Variants in PDE3A observed in about 807,000 individuals in gnomAD.
The protein encoded by PDE3A is phosphodiesterase 3A.
Under a neutral mutation model 98.3 loss-of-function variants are expected in PDE3A, and 43 were observed. That is an observed-to-expected ratio of 0.44 (90% confidence interval 0.34 to 0.56). The LOEUF is 0.56. Among genes scored for constraint, PDE3A ranks in the 20% least tolerant of loss-of-function variants. The pLI, the probability that PDE3A is intolerant of heterozygous loss-of-function variation, is 0.01. For synonymous variants in PDE3A, 663 were observed against 567.9 expected, an observed-to-expected ratio of 1.17 and a Z score of -2.38; for missense variants, 1,427 against 1,440.7, an observed-to-expected ratio of 0.99 and a Z score of 0.15.
intron 1 of PDE3A, among the ~76,000 whole-genome samples, chr12:20,402,426 GT>G (rs969242547): frequency 2.6e-5 from 4 of 152,188 alleles, no homozygotes; most frequent in Non-Finnish European, 1.5e-5. Context: ...TGAGATTATA[GT>G]TGTGAGCCAC....
At chr12:20,529,112 C>T (rs1946577761) in intron 1 of PDE3A, among the ~76,000 whole-genome samples, 1 of 151,954 alleles carries the variant, frequency 6.6e-6, no homozygotes, top group Non-Finnish European at 1.5e-5. Flanking sequence ...ATTGAGGAGT[C>T]CCAAATCTCT....
intron 1 of PDE3A, among the ~76,000 whole-genome samples, chr12:20,472,494 A>C (rs1306048049): frequency 6.6e-6 from 1 of 152,144 alleles, no homozygotes; most frequent in Admixed American, 6.6e-5. Flanking sequence ...TAAAGGTGCA[A>C]CTATTTAGTT....
chr12:20,464,328 G>A (rs1319130001), intron 1 of PDE3A, among the ~76,000 whole-genome samples: 1 of 152,050 alleles, frequency 6.6e-6, no homozygotes, highest in Non-Finnish European at 1.5e-5. Context: ...TTCAAAATGA[G>A]GGTTATATTT....
At chr12:20,645,078 G>C (rs1184856639) in intron 10 of PDE3A, among the ~76,000 whole-genome samples, 1 of 151,726 alleles carries the variant, frequency 6.6e-6, no homozygotes, top group Non-Finnish European at 1.5e-5. Flanking sequence ...TGGTATAGAC[G>C]GGATTTTACC....
At chr12:20,592,221 A>G (rs1943355267) in intron 2 of PDE3A, among the ~76,000 whole-genome samples, 1 of 152,122 alleles carries the variant, frequency 6.6e-6, no homozygotes. Flanking sequence ...TAAGGAAGAA[A>G]GAATATTGTG....
chr12:20,438,659 CACA>C (rs1159547158), intron 1 of PDE3A, among the ~76,000 whole-genome samples: 5 of 152,110 alleles, frequency 3.3e-5, no homozygotes, highest in Non-Finnish European at 5.9e-5. Context: ...TTTCCTCTGA[CACA>C]ACTAGAGTCC....
At chr12:20,577,929 G>A (rs1942972972) in intron 2 of PDE3A, among the ~76,000 whole-genome samples, 1 of 152,164 alleles carries the variant, frequency 6.6e-6, no homozygotes, top group Admixed American at 6.5e-5. Context: ...AAGTAGAGGT[G>A]TGAATTCGGA....
At chr12:20,587,706 G>A (rs1265606029) in intron 2 of PDE3A, among the ~76,000 whole-genome samples, 1 of 152,194 alleles carries the variant, frequency 6.6e-6, no homozygotes, top group Admixed American at 6.5e-5. Context: ...TGGTGTGTAA[G>A]TTCTTAAGCC....
In PDE3A at chr12:20,509,885, T is replaced by C. The variant is rs530703422; in HGVS notation, c.961-46775T>C. ...GTATTTGACTTACTCATAAATTTGA[T>C]AGGTGGAAAAAGTAGCTTATTTATT... On this transcript the variant is annotated intron_variant, in intron 1 of 15. Transcript: ENST00000359062. Among the ~76,000 whole-genome samples, 9 of 152,038 alleles carry C rather than the reference T, an allele frequency of 5.9e-5. No individual in the cohort carries two copies. The South Asian group carries it at 1.9e-3, about 31-fold the overall frequency.
chr12:20,636,967 G>T, intron 8 of PDE3A, 133 bp from the exon 9 acceptor site: 1 of 552,974 alleles, frequency 1.8e-6, no homozygotes, highest in South Asian at 3.3e-5. Flanking sequence ...TTTAAGCAAA[G>T]ATCACTTATT....
intron 10 of PDE3A, among the ~76,000 whole-genome samples, chr12:20,644,791 C>G (rs1157303373): frequency 6.6e-6 from 1 of 151,638 alleles, no homozygotes; most frequent in African/African-American, 2.4e-5. Flanking sequence ...CTATTTTCTC[C>G]TCAGGAGGCT....
chr12:20,470,974 GTGTC>G (rs1945428971), intron 1 of PDE3A, among the ~76,000 whole-genome samples: 1 of 151,982 alleles, frequency 6.6e-6, no homozygotes, highest in South Asian at 2.1e-4. Flanking sequence ...CAGTAAGAAG[GTGTC>G]TGTCTGTAAT....
At chr12:20,438,657 G>A (rs957657155) in intron 1 of PDE3A, among the ~76,000 whole-genome samples, 2 of 152,104 alleles carry the variant, frequency 1.3e-5, no homozygotes, top group African/African-American at 4.8e-5. Context: ...TGTTTCCTCT[G>A]ACACAACTAG....
At chr12:20,449,606 T>C in intron 1 of PDE3A, 2 of 372,030 alleles carry the variant, frequency 5.4e-6, no homozygotes, top group South Asian at 1.7e-4. Context: ...GGGTCTCTGC[T>C]CACACTTACT....
chr12:20,451,921 G>A (rs140757090), intron 1 of PDE3A, among the ~76,000 whole-genome samples: 6 of 152,166 alleles, frequency 3.9e-5, no homozygotes, highest in African/African-American at 1.2e-4. Flanking sequence ...ACACTTAACC[G>A]CATTTCTCTT....
At chr12:20,563,722 C>T (rs1156782906) in intron 2 of PDE3A, among the ~76,000 whole-genome samples, 1 of 152,046 alleles carries the variant, frequency 6.6e-6, no homozygotes, top group African/African-American at 2.4e-5. Context: ...CTAACGGGGA[C>T]CACACAAAAT....
At chr12:20,544,650 G>A (rs756070792) in intron 1 of PDE3A, among the ~76,000 whole-genome samples, 2 of 151,776 alleles carry the variant, frequency 1.3e-5, no homozygotes, top group Non-Finnish European at 2.9e-5. Flanking sequence ...GAATAAAAAC[G>A]TTTATGATTT....
chr12:20,420,634 AT>A (rs146462709), intron 1 of PDE3A, among the ~76,000 whole-genome samples: 2 of 151,784 alleles, frequency 1.3e-5, no homozygotes, highest in South Asian at 2.1e-4. Flanking sequence ...TGGTTACATG[AT>A]TTTTTTTCAA....
At chr12:20,599,153 C>A (rs1943531840) in intron 2 of PDE3A, among the ~76,000 whole-genome samples, 1 of 152,022 alleles carries the variant, frequency 6.6e-6, no homozygotes, top group Non-Finnish European at 1.5e-5. Context: ...ACTTCTTTAC[C>A]CATTCATCCT....
Sources: allele counts gnomAD v4.1 joint callset (sites outside exome capture counted in the v4.1 genomes callset), GRCh38; gene constraint gnomAD v4.1.1; transcripts MANE v1.5; gene names NCBI Gene and HGNC (gene_info 2026-07-23, HGNC 2026-07-21).